RAD51B: variants seen among roughly 807,000 people sequenced by gnomAD.
The protein encoded by RAD51B is RAD51 paralog B, also known as DNA repair protein RAD51 homolog 2.
RAD51B carries 38 observed loss-of-function variants against 42.2 expected under a neutral mutation model. That is an observed-to-expected ratio of 0.90 (90% confidence interval 0.70 to 1.18). The LOEUF (loss-of-function observed/expected upper bound fraction) is 1.18, where lower values mean the gene tolerates loss of function less well. Ranked by LOEUF, RAD51B falls within the 50% of genes most tolerant of loss-of-function variation. The probability of loss-of-function intolerance (pLI) is 0.00; values close to 1 mark genes in which losing one functional copy is unlikely to be tolerated. For missense variants in RAD51B, 373 were observed against 400.7 expected, an observed-to-expected ratio of 0.93 and a Z score of 0.59; for synonymous variants, 154 against 145.2, an observed-to-expected ratio of 1.06 and a Z score of -0.43.
chr14:68,458,599 A>G (rs1316049377), intron 9 of RAD51B, among the ~76,000 whole-genome samples: 2 of 151,632 alleles, frequency 1.3e-5, no homozygotes, highest in African/African-American at 2.4e-5. Context: ...ATGATATTCT[A>G]TGAGGAAATA....
At chr14:68,070,634 TG>T (rs777253836) in intron 7 of RAD51B, among the ~76,000 whole-genome samples, 6 of 152,212 alleles carry the variant, frequency 3.9e-5, no homozygotes, top group Non-Finnish European at 5.9e-5. Flanking sequence ...TCCATTTGCC[TG>T]TGTGTCTGTT....
chr14:68,658,270 T>C (rs984346468), intron 11 of RAD51B, among the ~76,000 whole-genome samples: 17 of 152,334 alleles, frequency 1.1e-4, no homozygotes, highest in African/African-American at 3.4e-4. Context: ...ACCTTGGTGC[T>C]ACCAGTGCCA....
intron 5 of RAD51B, among the ~76,000 whole-genome samples, chr14:67,876,440 C>T (rs773831946): frequency 1.3e-5 from 2 of 152,150 alleles, no homozygotes; most frequent in Non-Finnish European, 2.9e-5. Context: ...CCTTAATTGA[C>T]ATATGCCTTT....
intron 9 of RAD51B, among the ~76,000 whole-genome samples, chr14:68,423,352 A>G (rs2084756385): frequency 6.6e-6 from 1 of 152,206 alleles, no homozygotes; most frequent in African/African-American, 2.4e-5. Flanking sequence ...TCTGGTTGCT[A>G]TGCTGAGTTG....
chr14:68,190,734 A>G (rs1007445504), intron 7 of RAD51B, among the ~76,000 whole-genome samples: 1 of 152,156 alleles, frequency 6.6e-6, no homozygotes, highest in Admixed American at 6.5e-5. Context: ...TTAAAAAGTT[A>G]GTTTTTACTT....
chr14:68,610,004 C>T (rs1390697378), intron 10 of RAD51B, among the ~76,000 whole-genome samples: 3 of 152,050 alleles, frequency 2.0e-5, no homozygotes, highest in Non-Finnish European at 2.9e-5. Context: ...CTCTCCTCCG[C>T]GTCCACATCT....
chr14:68,368,490 C>T (rs1453322173), intron 8 of RAD51B, among the ~76,000 whole-genome samples: 2 of 152,208 alleles, frequency 1.3e-5, no homozygotes, highest in South Asian at 4.1e-4. Context: ...ATTCTTTCTG[C>T]ACAGGTTTTC....
intron 7 of RAD51B, among the ~76,000 whole-genome samples, chr14:67,917,683 ATTTGAGT>A (rs1365221823): frequency 6.6e-6 from 1 of 152,164 alleles, no homozygotes; most frequent in African/African-American, 2.4e-5. Context: ...TTTCCTGACG[ATTTGAGT>A]ATGTTATATG....
intron 7 of RAD51B, among the ~76,000 whole-genome samples, chr14:68,114,415 T>A (rs993436578): frequency 6.6e-6 from 1 of 152,134 alleles, no homozygotes; most frequent in Non-Finnish European, 1.5e-5. Context: ...TGAATGGCAT[T>A]TTTAGTATCT....
chr14:68,008,019 A>G (rs900260050), intron 7 of RAD51B, among the ~76,000 whole-genome samples: 1 of 151,692 alleles, frequency 6.6e-6, no homozygotes, highest in Admixed American at 6.6e-5. Flanking sequence ...ATGGGGTGAA[A>G]CTCTCAGGTA....
chr14:68,420,559 G>A (rs2084673354), intron 9 of RAD51B, among the ~76,000 whole-genome samples: 1 of 152,272 alleles, frequency 6.6e-6, no homozygotes, highest in East Asian at 1.9e-4. Context: ...ACTTCCTGAT[G>A]TTGTCATGCC....
intron 11 of RAD51B, among the ~76,000 whole-genome samples, chr14:68,666,494 A>G (rs1200957201): frequency 1.3e-5 from 2 of 152,224 alleles, no homozygotes; most frequent in Admixed American, 1.3e-4. Context: ...GGCATATCAC[A>G]TACTTAAATG....
At chr14:68,035,374 TG>T (rs1385110412) in intron 7 of RAD51B, among the ~76,000 whole-genome samples, 10 of 146,724 alleles carry the variant, frequency 6.8e-5, no homozygotes, top group Middle Eastern at 3.4e-3. Context: ...AGTGAAGAAT[TG>T]TTTTTTTTTA....
intron 7 of RAD51B, among the ~76,000 whole-genome samples, chr14:68,169,410 C>T (rs907185304): frequency 2.6e-5 from 4 of 152,154 alleles, no homozygotes; most frequent in Non-Finnish European, 5.9e-5. Flanking sequence ...TTATAACCTT[C>T]TTAGTCTATT....
At chr14:68,197,788 G>C (rs1595539532) in intron 7 of RAD51B, among the ~76,000 whole-genome samples, 1 of 152,140 alleles carries the variant, frequency 6.6e-6, no homozygotes, top group African/African-American at 2.4e-5. Context: ...ATATTCTTTT[G>C]TGAAGTGTTT....
chr14:68,018,100 C>G (rs977793845), intron 7 of RAD51B, among the ~76,000 whole-genome samples: 2 of 152,212 alleles, frequency 1.3e-5, no homozygotes, highest in African/African-American at 4.8e-5. Context: ...AAAATTGAGT[C>G]TGGGTCTGTG....
intron 5 of RAD51B, among the ~76,000 whole-genome samples, chr14:67,870,333 CAAAG>C (rs1334613996): frequency 2.6e-5 from 4 of 152,196 alleles, no homozygotes; most frequent in African/African-American, 4.8e-5. Flanking sequence ...TCAAAAGAGA[CAAAG>C]AAGGCCGTTA....
At chr14:68,659,300 G>A (rs1294023237) in intron 11 of RAD51B, among the ~76,000 whole-genome samples, 2 of 152,210 alleles carry the variant, frequency 1.3e-5, no homozygotes, top group Non-Finnish European at 1.5e-5. Context: ...TCTGGAAGCT[G>A]GGGGAGGGAG....
At chr14:68,570,778 C>T (rs1025746364) in intron 10 of RAD51B, among the ~76,000 whole-genome samples, 1 of 151,818 alleles carries the variant, frequency 6.6e-6, no homozygotes, top group Non-Finnish European at 1.5e-5. Context: ...ATAATATGTG[C>T]GTATATGAAA....
Sources: allele counts gnomAD v4.1 joint callset (sites outside exome capture counted in the v4.1 genomes callset), GRCh38; gene constraint gnomAD v4.1.1; transcripts MANE v1.5; gene names NCBI Gene and HGNC (gene_info 2026-07-23, HGNC 2026-07-21).